The following SYNE2 variants were observed in gnomAD, a reference collection of about 807,000 sequenced individuals.
SYNE2 encodes the protein spectrin repeat containing nuclear envelope protein 2, also known as nesprin-2.
In SYNE2, 431 loss-of-function variants were observed where a neutral mutation model predicts 856.3. That is an observed-to-expected ratio of 0.50 (90% confidence interval 0.47 to 0.55). SYNE2 has a LOEUF of 0.55. SYNE2 is among the 20% of genes least tolerant of loss of function. The pLI is 0.00. For missense variants in SYNE2, 8,129 were observed against 8,023.2 expected, an observed-to-expected ratio of 1.01 and a Z score of -0.50; for synonymous variants, 2,923 against 2,872.3, an observed-to-expected ratio of 1.02 and a Z score of -0.56.
intron 1 of SYNE2, among the ~76,000 whole-genome samples, chr14:63,868,524 C>A (rs1057374847): frequency 4.0e-5 from 6 of 150,090 alleles, no homozygotes; most frequent in Non-Finnish European, 8.9e-5. Flanking sequence ...TAGTAATAAA[C>A]CCTGATATCA....
At chr14:63,937,417 C>T (rs975107869) in intron 2 of SYNE2, among the ~76,000 whole-genome samples, 7 of 152,066 alleles carry the variant, frequency 4.6e-5, no homozygotes, top group Non-Finnish European at 7.4e-5. Context: ...AATGTTCTTG[C>T]GTTGGAGCAC....
At chr14:63,835,509 A>G (rs554891769) in intron 1 of SYNE2, among the ~76,000 whole-genome samples, 1 of 152,274 alleles carries the variant, frequency 6.6e-6, no homozygotes, top group East Asian at 1.9e-4. Flanking sequence ...CTGGGATTAC[A>G]GGCATGAACC....
chr14:64,014,576 G>A (rs952204182), intron 32 of SYNE2, among the ~76,000 whole-genome samples: 5 of 151,990 alleles, frequency 3.3e-5, no homozygotes, highest in East Asian at 1.9e-4. Context: ...ACAGGTGCAC[G>A]CCACTACACC....
chr14:63,795,585 T>C (rs953071550), intron 1 of SYNE2, among the ~76,000 whole-genome samples: 1 of 151,916 alleles, frequency 6.6e-6, no homozygotes, highest in Non-Finnish European at 1.5e-5. Context: ...CAGATGGGGG[T>C]CTCACTTTGT....
intron 65 of SYNE2, among the ~76,000 whole-genome samples, chr14:64,111,859 C>T (rs2097811179): frequency 6.6e-6 from 1 of 152,064 alleles, no homozygotes; most frequent in African/African-American, 2.4e-5. Context: ...CAAGCATAGA[C>T]TTGACTATAT....
intron 88 of SYNE2, 63 bp downstream of exon 88, chr14:64,162,339 A>G (rs2098336099): frequency 1.3e-6 from 2 of 1,535,230 alleles, no homozygotes; most frequent in East Asian, 4.5e-5. Context: ...GGTAAGGGAC[A>G]GCCATGACCT....
At chr14:64,143,998 CACTT>C (rs1274548630) in intron 83 of SYNE2, 50 bp downstream of exon 83, 1 of 1,608,414 alleles carries the variant, frequency 6.2e-7, no homozygotes, top group Non-Finnish European at 8.5e-7. Flanking sequence ...TTATGAAACA[CACTT>C]TCTGAAAAAT....
rs558482855 is a variant in SYNE2, at chr14:63,891,565, G to A, written c.-51-17533G>A. 4.6e-5 allele frequency among the ~76,000 whole-genome samples: 7 copies of A among 151,680 alleles called. No individual in the cohort carries two copies. In the South Asian group the frequency reaches 1.3e-3, roughly 27 times the overall value. ...AAATTTCCTTTACAAAGAGAAAAAA[G>A]GTCTGTTTTTAGAGCTTGCTTGCTG... On this transcript the variant is annotated intron_variant, in intron 1 of 115. Transcript: ENST00000555002.
At chr14:64,142,219 T>A in intron 82 of SYNE2, 131 bp downstream of exon 82, 2 of 1,042,448 alleles carry the variant, frequency 1.9e-6, no homozygotes, top group Admixed American at 2.0e-5. Context: ...ACTGGGGTGG[T>A]GGATGATTCT....
chr14:64,163,336 G>A (rs1437760856), intron 88 of SYNE2, 66 bp from the exon 89 acceptor site: 1 of 1,568,670 alleles, frequency 6.4e-7, no homozygotes. Flanking sequence ...TGATGGAGCA[G>A]CAGCGGGTAG....
rs557097139 is a variant in SYNE2, at chr14:64,077,591, G to C, written c.11023-875G>C. ...GTTACAGTTTCAGCATCTGTATACT[G>C]TCTGCACAGGATGATTTTAGTCTCA... On this transcript the variant is annotated intron_variant, in intron 54 of 115. Coordinates refer to ENST00000555002, the MANE Select transcript of SYNE2 (RefSeq NM_182914.3). Among the ~76,000 whole-genome samples the C allele has an allele frequency of 3.9e-5, 6 of 152,042 alleles. No homozygotes were observed. The South Asian group carries it at 1.0e-3, about 26-fold the overall frequency.
At chr14:63,881,670 C>A (rs952053667) in intron 1 of SYNE2, among the ~76,000 whole-genome samples, 1 of 151,008 alleles carries the variant, frequency 6.6e-6, no homozygotes, top group South Asian at 2.1e-4. Flanking sequence ...ATTAATTTCT[C>A]CCTTAGTTAA....
At chr14:63,774,529 GT>G (rs1232678062) in intron 1 of SYNE2, among the ~76,000 whole-genome samples, 1 of 149,922 alleles carries the variant, frequency 6.7e-6, no homozygotes, top group Non-Finnish European at 1.5e-5. Context: ...CAAGAGAGAA[GT>G]TTTTTTCTTT....
chr14:63,821,189 A>T (rs1889197718), intron 1 of SYNE2, among the ~76,000 whole-genome samples: 1 of 152,190 alleles, frequency 6.6e-6, no homozygotes, highest in Non-Finnish European at 1.5e-5. Flanking sequence ...ACATAAAAAT[A>T]TAAAAACTTA....
At chr14:64,212,161 C>T (rs1199082074) in intron 104 of SYNE2, 63 bp downstream of exon 104, 1 of 1,609,738 alleles carries the variant, frequency 6.2e-7, no homozygotes, top group Non-Finnish European at 8.5e-7. Flanking sequence ...GAGAGCTGGC[C>T]AAGTGCAAAT....
In SYNE2 at chr14:64,218,214, C is replaced by T. The variant is rs558210993; in HGVS notation, c.19543-184C>T. 129 of 589,418 alleles carry T rather than the reference C, an allele frequency of 2.2e-4. 2 individuals carry two copies. The highest frequency in any genetic ancestry group is 1.7e-3 in the South Asian group (95 of 54,814). The allele number at this position is 589,418 out of a possible 1,614,324, so 36.5% of individuals were successfully genotyped here. A position where few individuals can be genotyped will look rare whatever the true frequency, so the allele number is the denominator to read the frequency against. The stretch of plus-strand genomic sequence containing the variant: ...GGCCTTAGCTGAGGCTTTATTTCTG[C>T]CATCAGCTTTGCCAGCTTATAAATG... On this transcript the variant is annotated intron_variant, in intron 108 of 115. Coordinates refer to ENST00000555002, the MANE Select transcript of SYNE2 (RefSeq NM_182914.3).
chr14:63,822,949 T>A (rs1168139434), intron 1 of SYNE2, among the ~76,000 whole-genome samples: 1 of 151,762 alleles, frequency 6.6e-6, no homozygotes. Flanking sequence ...ATAAAATTTT[T>A]AAAAATTAGC....
chr14:64,111,657 G>T (rs2097808671), intron 65 of SYNE2, among the ~76,000 whole-genome samples: 1 of 152,068 alleles, frequency 6.6e-6, no homozygotes, highest in African/African-American at 2.4e-5. Flanking sequence ...AATTAGCCAG[G>T]TATGGTGGTG....
intron 96 of SYNE2, among the ~76,000 whole-genome samples, chr14:64,184,327 G>GGGGT (rs1555532228): frequency 1.2e-5 from 1 of 86,748 alleles, no homozygotes; most frequent in Non-Finnish European, 2.4e-5. Flanking sequence ...TGTATGCATA[G>GGGGT]GGGTGTGTGT....
Sources: allele counts gnomAD v4.1 joint callset (sites outside exome capture counted in the v4.1 genomes callset), GRCh38; gene constraint gnomAD v4.1.1; transcripts MANE v1.5; gene names NCBI Gene and HGNC (gene_info 2026-07-23, HGNC 2026-07-21).